The following LRRIQ1 variants were observed in gnomAD, a reference collection of about 807,000 sequenced individuals.
LRRIQ1 encodes the protein leucine rich repeats and IQ motif containing 1.
In LRRIQ1, 210 loss-of-function variants were observed where a neutral mutation model predicts 211.9. That is an observed-to-expected ratio of 0.99 (90% CI 0.89 to 1.11). LRRIQ1 has a LOEUF of 1.11. LRRIQ1 is among the 50% of genes most tolerant of loss of function. The pLI is 0.00. For synonymous variants in LRRIQ1, 699 were observed against 650.1 expected, an observed-to-expected ratio of 1.08 and a Z score of -1.14; for missense variants, 2,136 against 1,939.5, an observed-to-expected ratio of 1.10 and a Z score of -1.90.
At chr12:85,230,471 A>T (rs1384322125) in intron 25 of LRRIQ1, among the ~76,000 whole-genome samples, 1 of 152,136 alleles carries the variant, frequency 6.6e-6, no homozygotes, top group Admixed American at 6.5e-5. Flanking sequence ...CACCAGTGAT[A>T]TTGGATTAAG....
At chr12:85,073,652 T>C (rs1016521775) in intron 11 of LRRIQ1, among the ~76,000 whole-genome samples, 1 of 152,076 alleles carries the variant, frequency 6.6e-6, no homozygotes, top group Admixed American at 6.6e-5. Context: ...ATAGTATTAA[T>C]TGATAAACCT....
chr12:85,121,683 G>C lies in LRRIQ1; in HGVS notation c.3378-14G>C. The C allele has an allele frequency of 4.5e-6, 7 of 1,539,302 alleles. No homozygotes were observed. Among genetic ancestry groups the C allele is most frequent in the Non-Finnish European group, 6.1e-6 (7 of 1,145,300 alleles). On this transcript the variant is annotated splice_polypyrimidine_tract_variant and intron_variant, in intron 15 of 26. Transcript: ENST00000393217. ...CAAGATCAGGATTATTAACTTTTTT[G>C]TTGTTTTCAATAGGGATTCTCTACT... is the stretch of plus-strand genomic sequence containing the variant.
chr12:85,046,158 A>G (rs753870637), intron 5 of LRRIQ1, 21 bp downstream of exon 5: 3 of 1,385,584 alleles, frequency 2.2e-6, no homozygotes, highest in South Asian at 1.2e-5. Flanking sequence ...TTGCTCAATG[A>G]TATGTTTGTT....
intron 8 of LRRIQ1, among the ~76,000 whole-genome samples, chr12:85,059,668 G>A (rs1344939477): frequency 1.3e-5 from 2 of 151,972 alleles, no homozygotes; most frequent in African/African-American, 4.8e-5. Context: ...TTCATTACCT[G>A]ATTATAGGAT....
At chr12:85,242,578 A>G (rs893886498) in intron 26 of LRRIQ1, among the ~76,000 whole-genome samples, 2 of 151,972 alleles carry the variant, frequency 1.3e-5, no homozygotes, top group Non-Finnish European at 2.9e-5. Flanking sequence ...TATACAATTT[A>G]CATGACATTG....
intron 24 of LRRIQ1, among the ~76,000 whole-genome samples, chr12:85,209,849 T>C (rs572070317): frequency 6.6e-5 from 10 of 152,226 alleles, no homozygotes; most frequent in African/African-American, 2.4e-4. Context: ...AGACTGAAAC[T>C]AAAATTTTGA....
chr12:85,066,638 A>C, intron 9 of LRRIQ1, 110 bp from the exon 10 acceptor site: 3 of 712,078 alleles, frequency 4.2e-6, no homozygotes, highest in Non-Finnish European at 6.4e-6. Flanking sequence ...AAAGATTCAG[A>C]TATTAATTTG....
chr12:85,153,809 A>G (rs755619677), intron 22 of LRRIQ1, 51 bp downstream of exon 22: 19 of 1,188,812 alleles, frequency 1.6e-5, no homozygotes. Flanking sequence ...AGATTGCTAA[A>G]AGTCCAAGAC....
At chr12:85,116,732 A>C (rs1383258720) in intron 15 of LRRIQ1, among the ~76,000 whole-genome samples, 2 of 152,024 alleles carry the variant, frequency 1.3e-5, no homozygotes, top group African/African-American at 4.8e-5. Context: ...AGTAGACCCC[A>C]ATGTCTGTTG....
chr12:85,250,377 C>T (rs1222051209), intron 1 of LRRIQ1, among the ~76,000 whole-genome samples: 1 of 151,622 alleles, frequency 6.6e-6, no homozygotes, highest in African/African-American at 2.4e-5. Flanking sequence ...TTTCAAATAC[C>T]ACAATCAGAA....
rs1372254555 is a variant in LRRIQ1 at position 85,087,722 on chromosome 12, G to T, written c.2888-10633G>T. Among the ~76,000 whole-genome samples the T allele has an allele frequency of 1.8e-4, 28 of 152,062 alleles. 1 individual carries two copies. Among genetic ancestry groups the T allele is most frequent in the African/African-American group, 6.3e-4 (26 of 41,352 alleles). On this transcript the variant is annotated intron_variant, in intron 11 of 26. Coordinates refer to ENST00000393217, the MANE Select transcript of LRRIQ1 (RefSeq NM_001079910.2). ...ATGATGAGCATTTTTTCATGTGTCT[G>T]TTGGCTGCATAAATGTCTTCTTTTG...
intron 25 of LRRIQ1, among the ~76,000 whole-genome samples, chr12:85,230,916 G>A (rs1894905482): frequency 6.6e-6 from 1 of 152,206 alleles, no homozygotes; most frequent in Non-Finnish European, 1.5e-5. Context: ...GGGCGCGGTA[G>A]GGGGCGCCTG....
intron 21 of LRRIQ1, 30 bp downstream of exon 21, chr12:85,153,175 A>T (rs183189056): frequency 1.3e-6 from 2 of 1,562,582 alleles, no homozygotes; most frequent in South Asian, 2.4e-5. Context: ...TAGAGAATCA[A>T]CTTGTGAATG....
intron 24 of LRRIQ1, among the ~76,000 whole-genome samples, chr12:85,171,123 C>A (rs1170956845): frequency 1.3e-4 from 19 of 151,980 alleles, no homozygotes; most frequent in Admixed American, 1.2e-3. Context: ...TACATAATAT[C>A]TTTGAGGATA....
At chr12:85,156,530 A>G (rs576620851) in intron 23 of LRRIQ1, among the ~76,000 whole-genome samples, 259 of 150,932 alleles carry the variant, frequency 1.7e-3, no homozygotes, top group Non-Finnish European at 3.1e-3. Flanking sequence ...AAAAATGTTC[A>G]GTACTTTTTC....
intron 24 of LRRIQ1, among the ~76,000 whole-genome samples, chr12:85,203,238 G>C (rs1893388561): frequency 6.6e-6 from 1 of 152,102 alleles, no homozygotes; most frequent in African/African-American, 2.4e-5. Context: ...GCTCCTCCTT[G>C]CCTTCTGCTA....
rs1345337301 is a variant in LRRIQ1 at position 85,153,929 on chromosome 12, G to T, written c.4638-83G>T. 4.0e-6 allele frequency: 4 copies of T among 994,680 alleles called. No homozygotes were observed. In the East Asian group the frequency reaches 1.1e-4, roughly 28 times the overall value. 61.6% of individuals were successfully genotyped at this position (994,680 alleles called of 1,614,324 possible). ...ATTTATTTTAGTATGCTATAATTCA[G>T]ATATGCATGTCTATTTTTATATGCA... On this transcript the variant is annotated intron_variant, in intron 22 of 26. Coordinates refer to ENST00000393217, the MANE Select transcript of LRRIQ1 (RefSeq NM_001079910.2).
chr12:85,107,193 C>T (rs928447972), intron 15 of LRRIQ1, among the ~76,000 whole-genome samples: 1 of 151,904 alleles, frequency 6.6e-6, no homozygotes, highest in Non-Finnish European at 1.5e-5. Flanking sequence ...CACGATTTCC[C>T]CCAAATTGAC....
intron 11 of LRRIQ1, among the ~76,000 whole-genome samples, chr12:85,073,509 G>C (rs1883318045): frequency 6.6e-6 from 1 of 151,972 alleles, no homozygotes; most frequent in Non-Finnish European, 1.5e-5. Context: ...GAAAAGAAAG[G>C]CTGTTTGTAA....
Sources: gnomAD v4.1 joint callset for allele counts (sites outside exome capture counted in the v4.1 genomes callset) on GRCh38, gnomAD v4.1.1 for gene constraint, MANE v1.5 for transcripts, NCBI Gene and HGNC (gene_info 2026-07-23, HGNC 2026-07-21) for gene names.